The following INPP4B variants were observed in gnomAD, a reference collection of about 807,000 sequenced individuals.
The protein encoded by INPP4B is inositol polyphosphate-4-phosphatase type II B.
In INPP4B, 55 loss-of-function variants were observed where a neutral mutation model predicts 122.5. The observed-to-expected ratio is 0.45, with a 90% CI of 0.36 to 0.56. INPP4B has a LOEUF of 0.56. INPP4B is among the 20% of genes least tolerant of loss of function. The pLI is 0.00. For missense variants in INPP4B, 1,000 were observed against 1,097.7 expected, an observed-to-expected ratio of 0.91 and a Z score of 1.26; for synonymous variants, 403 against 388.7, an observed-to-expected ratio of 1.04 and a Z score of -0.43.
intron 2 of INPP4B, among the ~76,000 whole-genome samples, chr4:142,526,948 C>T (rs1826999726): frequency 1.3e-5 from 2 of 151,996 alleles, no homozygotes; most frequent in Admixed American, 1.3e-4. Flanking sequence ...ACAGATAATG[C>T]TGTCTGTGAT....
intron 7 of INPP4B, among the ~76,000 whole-genome samples, chr4:142,331,627 C>T (rs899814119): frequency 3.3e-5 from 5 of 152,176 alleles, no homozygotes; most frequent in African/African-American, 1.2e-4. Context: ...GTAACAAGCA[C>T]TATCTATTCG....
Position 142,314,648 on chromosome 4 carries a change from G to T in INPP4B, c.423+64C>A, listed in dbSNP as rs925672331. 3 of 1,484,044 alleles carry T rather than the reference G, an allele frequency of 2.0e-6. No homozygotes were observed. In the African/African-American group the frequency reaches 4.2e-5, roughly 21 times the overall value. 91.9% of individuals were successfully genotyped at this position (1,484,044 alleles called of 1,614,324 possible). ...GTCAGTTACCAAGCAGGAGGCCAGA[G>T]AAAATCCAAATGATTAATTTAGAAG... is the stretch of plus-strand genomic sequence containing the variant. On this transcript the variant is annotated intron_variant, in intron 8 of 25. Transcript: ENST00000262992.
intron 18 of INPP4B, among the ~76,000 whole-genome samples, chr4:142,136,132 T>C (rs1001658650): frequency 6.6e-6 from 1 of 152,136 alleles, no homozygotes; most frequent in Non-Finnish European, 1.5e-5. Flanking sequence ...CCATACTCCC[T>C]TGGATGTGGG....
chr4:142,288,569 C>T (rs903124664), intron 9 of INPP4B, among the ~76,000 whole-genome samples: 6 of 151,920 alleles, frequency 3.9e-5, no homozygotes, highest in Admixed American at 2.0e-4. Flanking sequence ...GGCGACAGAG[C>T]GAGACTCTGT....
In INPP4B at chr4:142,454,723, C is replaced by T. The variant is rs139371460; in HGVS notation, c.-127+7940G>A. On this transcript the variant is annotated intron_variant, in intron 3 of 25. Coordinates refer to ENST00000262992, the MANE Select transcript of INPP4B (RefSeq NM_001101669.3). ...CATTGGGCAATTTACTTAGCCATAC[C>T]GTTCCTTATTCCCCCTTATAATAAA... Among the ~76,000 whole-genome samples, 663 of 152,070 alleles carry T rather than the reference C, an allele frequency of 4.4e-3. 5 individuals are homozygous for T. The highest frequency in any genetic ancestry group is 0.015 in the African/African-American group (636 of 41,518).
chr4:142,797,701 ATT>A (rs1249025585), intron 1 of INPP4B, among the ~76,000 whole-genome samples: 1 of 152,020 alleles, frequency 6.6e-6, no homozygotes, highest in East Asian at 1.9e-4. Flanking sequence ...AATGGCAATC[ATT>A]TTGTCATTTT....
chr4:142,188,747 C>G (rs1455225720), intron 15 of INPP4B, among the ~76,000 whole-genome samples: 1 of 151,574 alleles, frequency 6.6e-6, no homozygotes, highest in Non-Finnish European at 1.5e-5. Context: ...CACTCTCTCT[C>G]TTTCATAAAA....
In INPP4B at chr4:142,245,782, A is replaced by G. The variant is rs549076145; in HGVS notation, c.689-7771T>C. Among the ~76,000 whole-genome samples the G allele has an allele frequency of 7.9e-5, 11 of 140,124 alleles. 2 individuals carry two copies. Among genetic ancestry groups the G allele is most frequent in the East Asian group, 4.0e-4 (2 of 4,944 alleles). The allele number at this position is 140,124 out of a possible 152,430, so 91.9% of individuals were successfully genotyped here. On this transcript the variant is annotated intron_variant, in intron 11 of 25. Transcript: ENST00000262992. ...TATATGTATATGTGTGTATATATAT[A>G]TGTGTGTATGTATACATATATATGT...
intron 2 of INPP4B, among the ~76,000 whole-genome samples, chr4:142,583,045 T>G (rs75686833): frequency 0.014 from 2,150 of 152,236 alleles, 40 homozygotes; most frequent in African/African-American, 0.041. Context: ...TTATTACCTG[T>G]GTGACCTCAA....
chr4:142,839,200 G>A (rs1315047009), intron 1 of INPP4B, among the ~76,000 whole-genome samples: 2 of 152,212 alleles, frequency 1.3e-5, no homozygotes, highest in Non-Finnish European at 2.9e-5. Context: ...GCTCATGCCT[G>A]TAGTCCCATC....
intron 15 of INPP4B, among the ~76,000 whole-genome samples, chr4:142,182,546 C>CAAAAA (rs68095300): frequency 6.5e-5 from 2 of 30,700 alleles, no homozygotes; most frequent in East Asian, 1.1e-3. Flanking sequence ...GACTCTGTCT[C>CAAAAA]AAAAAAAAAA....
intron 7 of INPP4B, among the ~76,000 whole-genome samples, chr4:142,369,781 A>G (rs7699598): frequency 0.3 from 46,011 of 151,322 alleles, 8,641 homozygotes; most frequent in South Asian, 0.46. Flanking sequence ...ATATTTAAAA[A>G]AATAACAGGT....
At chr4:142,516,105 C>T (rs1483240694) in intron 2 of INPP4B, among the ~76,000 whole-genome samples, 1 of 152,050 alleles carries the variant, frequency 6.6e-6, no homozygotes, top group African/African-American at 2.4e-5. Flanking sequence ...AGAAATTCAC[C>T]AGATTTCTTG....
At chr4:142,244,858 G>A (rs1005249553) in intron 11 of INPP4B, among the ~76,000 whole-genome samples, 2 of 152,090 alleles carry the variant, frequency 1.3e-5, no homozygotes, top group East Asian at 1.9e-4. Context: ...GTGTAAAAGC[G>A]TTCCTATTTC....
At chr4:142,458,640 G>A (rs1354129491) in intron 3 of INPP4B, among the ~76,000 whole-genome samples, 12 of 152,134 alleles carry the variant, frequency 7.9e-5, no homozygotes, top group African/African-American at 2.4e-5. Flanking sequence ...ATTTGACAAG[G>A]CAGTAAGAAG....
chr4:142,167,494 C>A (rs1250355737), intron 16 of INPP4B, among the ~76,000 whole-genome samples: 9 of 151,746 alleles, frequency 5.9e-5, no homozygotes, highest in Non-Finnish European at 1.2e-4. Flanking sequence ...ACCACCCTGG[C>A]ACACATTTAC....
At chr4:142,037,058 T>TG (rs1744395563) in intron 25 of INPP4B, among the ~76,000 whole-genome samples, 1 of 152,228 alleles carries the variant, frequency 6.6e-6, no homozygotes, top group Non-Finnish European at 1.5e-5. Flanking sequence ...TCCAATGTCA[T>TG]TAGTTTTGGC....
chr4:142,138,773 G>A (rs187384619), intron 18 of INPP4B, among the ~76,000 whole-genome samples: 31 of 152,228 alleles, frequency 2.0e-4, no homozygotes, highest in African/African-American at 5.8e-4. Flanking sequence ...CAAAGTACTT[G>A]TCACATAAAT....
intron 22 of INPP4B, among the ~76,000 whole-genome samples, chr4:142,109,832 C>T (rs996895605): frequency 2.6e-5 from 4 of 152,166 alleles, no homozygotes; most frequent in South Asian, 2.1e-4. Context: ...GATAGGAAGC[C>T]GATTCCACGC....
Sources: gnomAD v4.1 joint callset for allele counts (sites outside exome capture counted in the v4.1 genomes callset) on GRCh38, gnomAD v4.1.1 for gene constraint, MANE v1.5 for transcripts, NCBI Gene and HGNC (gene_info 2026-07-23, HGNC 2026-07-21) for gene names.